GPC6: variants seen among roughly 807,000 people sequenced by gnomAD.
GPC6 encodes glypican-6.
GPC6 carries 14 observed loss-of-function variants against 55.2 expected under a neutral mutation model. The observed-to-expected ratio is 0.25, with a 90% CI of 0.17 to 0.40. GPC6 has a LOEUF of 0.40. Ranked by LOEUF, GPC6 falls within the 10% of genes least tolerant of loss-of-function variation. The pLI, the probability that GPC6 is intolerant of heterozygous loss-of-function variation, is 1.00. For synonymous variants in GPC6, 278 were observed against 259.6 expected, an observed-to-expected ratio of 1.07 and a Z score of -0.68; for missense variants, 641 against 708.5, an observed-to-expected ratio of 0.90 and a Z score of 1.08.
At chr13:94,162,849 T>C (rs1888216638) in intron 4 of GPC6, among the ~76,000 whole-genome samples, 1 of 152,108 alleles carries the variant, frequency 6.6e-6, no homozygotes, top group Non-Finnish European at 1.5e-5. Flanking sequence ...GTAAGTTAAA[T>C]TCAGTATTAA....
intron 3 of GPC6, among the ~76,000 whole-genome samples, chr13:93,979,992 A>G (rs1247704902): frequency 1.3e-5 from 2 of 152,168 alleles, no homozygotes. Flanking sequence ...AGCTACTTAC[A>G]TCAGAGCTTG....
At chr13:93,724,454 A>T (rs539139660) in intron 2 of GPC6, among the ~76,000 whole-genome samples, 3 of 152,148 alleles carry the variant, frequency 2.0e-5, no homozygotes, top group Admixed American at 6.6e-5. Flanking sequence ...TTCTCGTGAG[A>T]TTCTGTTTCA....
Position 93,627,421 on chromosome 13 carries a change from T to C in GPC6, c.319+82000T>C, listed in dbSNP as rs547329527. ...CATGAGGACAGCTCCTAGGGAGATG[T>C]TGTTAAACCATGAGAAACTGCCCCC... On this transcript the variant is annotated intron_variant, in intron 2 of 8. Coordinates refer to ENST00000377047, the MANE Select transcript of GPC6 (RefSeq NM_005708.5). 1.2e-4 allele frequency among the ~76,000 whole-genome samples: 18 copies of C among 152,248 alleles called. No individual in the cohort carries two copies. In the South Asian group the frequency reaches 3.5e-3, roughly 30 times the overall value.
At chr13:93,700,676 T>C (rs905303898) in intron 2 of GPC6, among the ~76,000 whole-genome samples, 2 of 152,140 alleles carry the variant, frequency 1.3e-5, no homozygotes, top group Non-Finnish European at 2.9e-5. Flanking sequence ...TGCATACTTT[T>C]ACTTTTGTGT....
intron 1 of GPC6, among the ~76,000 whole-genome samples, chr13:93,297,939 C>T (rs1878548475): frequency 6.6e-6 from 1 of 152,164 alleles, no homozygotes. Context: ...CTCTGTCTTA[C>T]AATACAGCTG....
At chr13:94,060,032 T>C (rs1328129549) in intron 4 of GPC6, among the ~76,000 whole-genome samples, 1 of 152,084 alleles carries the variant, frequency 6.6e-6, no homozygotes, top group African/African-American at 2.4e-5. Context: ...TCAAATATCA[T>C]CTCCTCTCTT....
intron 4 of GPC6, among the ~76,000 whole-genome samples, chr13:94,219,884 G>T (rs953673929): frequency 7.2e-5 from 11 of 152,122 alleles, no homozygotes; most frequent in Non-Finnish European, 1.5e-4. Context: ...CCAAAAGTTT[G>T]TCATTCAGGT....
chr13:93,265,989 A>G (rs943254798), intron 1 of GPC6, among the ~76,000 whole-genome samples: 4 of 152,058 alleles, frequency 2.6e-5, no homozygotes, highest in Admixed American at 1.3e-4. Context: ...AAATTGGCAA[A>G]TACTTAAAAC....
At chr13:93,603,328 G>A (rs776071217) in intron 2 of GPC6, among the ~76,000 whole-genome samples, 2 of 152,062 alleles carry the variant, frequency 1.3e-5, no homozygotes, top group Non-Finnish European at 2.9e-5. Flanking sequence ...ATTATTTCTT[G>A]TTAGCCATAT....
chr13:93,542,494 C>T (rs1234671350), intron 1 of GPC6, among the ~76,000 whole-genome samples: 1 of 152,144 alleles, frequency 6.6e-6, no homozygotes, highest in African/African-American at 2.4e-5. Context: ...TTATGATTGA[C>T]TTGGTGATGC....
intron 1 of GPC6, among the ~76,000 whole-genome samples, chr13:93,464,195 T>A (rs2813634): frequency 0.43 from 66,023 of 152,006 alleles, 14,670 homozygotes; most frequent in East Asian, 0.66. Flanking sequence ...ACTCCATGTT[T>A]TTGGCTGCTG....
At chr13:93,500,955 G>C (rs1880498767) in intron 1 of GPC6, among the ~76,000 whole-genome samples, 3 of 152,160 alleles carry the variant, frequency 2.0e-5, no homozygotes, top group African/African-American at 7.2e-5. Flanking sequence ...GTCTAGGTCT[G>C]TGATGCACTG....
At position 94,103,959 on chromosome 13, in the gene GPC6, A is replaced by G. The variant is rs144597234; in HGVS notation, c.877+76065A>G. Among the ~76,000 whole-genome samples the G allele has an allele frequency of 1.4e-3, 215 of 152,274 alleles. 1 individual carries two copies. The highest frequency in any genetic ancestry group is 1.8e-3 in the Non-Finnish European group (120 of 68,032). ...TGTTTTAGTCATGAAGTCCTTGTCC[A>G]TGCCTATGTCCTGAATGGTATTGCC... On this transcript the variant is annotated intron_variant, in intron 4 of 8. Transcript: ENST00000377047.
chr13:93,328,332 G>A (rs1041292237), intron 1 of GPC6, among the ~76,000 whole-genome samples: 11 of 152,106 alleles, frequency 7.2e-5, no homozygotes, highest in Admixed American at 7.2e-4. Flanking sequence ...ATTAGCTACA[G>A]TCTATAGAGG....
intron 1 of GPC6, among the ~76,000 whole-genome samples, chr13:93,273,660 A>AAAAC (rs931461378): frequency 3.9e-5 from 6 of 152,166 alleles, no homozygotes; most frequent in African/African-American, 9.7e-5. Context: ...TCCGTCTCAA[A>AAAAC]AAACAAACAA....
chr13:93,510,681 G>A (rs960197996), intron 1 of GPC6, among the ~76,000 whole-genome samples: 4 of 151,774 alleles, frequency 2.6e-5, no homozygotes, highest in African/African-American at 9.7e-5. Context: ...CCCAGTAGTG[G>A]GATTCCTGGA....
At chr13:94,215,685 T>G (rs957853338) in intron 4 of GPC6, among the ~76,000 whole-genome samples, 3 of 152,146 alleles carry the variant, frequency 2.0e-5, no homozygotes, top group African/African-American at 7.2e-5. Flanking sequence ...ACCAATTTAT[T>G]ACATTTCATT....
intron 4 of GPC6, among the ~76,000 whole-genome samples, chr13:94,263,342 G>C (rs376750159): frequency 6.6e-6 from 1 of 152,164 alleles, no homozygotes; most frequent in African/African-American, 2.4e-5. Context: ...CACCTGCTAC[G>C]CAATTCACCC....
At chr13:93,745,656 G>A (rs1299532251) in intron 2 of GPC6, among the ~76,000 whole-genome samples, 1 of 152,188 alleles carries the variant, frequency 6.6e-6, no homozygotes, top group East Asian at 1.9e-4. Context: ...ATAAGCAGCA[G>A]TAGGAAGCCA....
Sources: allele counts gnomAD v4.1 joint callset (sites outside exome capture counted in the v4.1 genomes callset), GRCh38; gene constraint gnomAD v4.1.1; transcripts MANE v1.5; gene names NCBI Gene and HGNC (gene_info 2026-07-23, HGNC 2026-07-21).